The following DNM2 variants were observed in gnomAD, a reference collection of about 807,000 sequenced individuals.
The protein encoded by DNM2 is dynamin 2.
Under a neutral mutation model 99.0 loss-of-function variants are expected in DNM2, and 15 were observed. That is an observed-to-expected ratio of 0.15 (90% confidence interval 0.10 to 0.23). DNM2 has a LOEUF of 0.23. Among genes scored for constraint, DNM2 ranks in the 10% least tolerant of loss-of-function variants. The pLI, the probability that DNM2 is intolerant of heterozygous loss-of-function variation, is 1.00. For missense variants in DNM2, 742 were observed against 1,189.4 expected (o/e 0.62, Z 5.53); for synonymous variants, 525 against 481.2 (o/e 1.09, Z -1.19).
At chr19:10,797,222 A>G (rs2071966602) in intron 9 of DNM2, among the ~76,000 whole-genome samples, 158 bp from the exon 10 acceptor site, 1 of 151,700 alleles carries the variant, frequency 6.6e-6, no homozygotes, top group Non-Finnish European at 1.5e-5. Flanking sequence ...CTTTGATCCG[A>G]AGCAGCTTCC....
At chr19:10,797,568 A>G in intron 10 of DNM2, 50 bp downstream of exon 10, 1 of 1,609,946 alleles carries the variant, frequency 6.2e-7, no homozygotes, top group Non-Finnish European at 8.5e-7. Flanking sequence ...CTCCCCCTCC[A>G]TGTGTTAGTC....
chr19:10,792,670 C>T (rs1371743649), intron 7 of DNM2, among the ~76,000 whole-genome samples: 1 of 151,972 alleles, frequency 6.6e-6, no homozygotes, highest in Non-Finnish European at 1.5e-5. Flanking sequence ...TGCAGTGGTG[C>T]GATCTCGGCT....
chr19:10,807,539 C>CCTTT (rs2072386668), intron 13 of DNM2, among the ~76,000 whole-genome samples: 1 of 91,212 alleles, frequency 1.1e-5, no homozygotes. Flanking sequence ...CACGTCCAGC[C>CCTTT]TTTTTTTTTT....
intron 1 of DNM2, among the ~76,000 whole-genome samples, chr19:10,741,281 A>C (rs961055313): frequency 6.6e-6 from 1 of 151,984 alleles, no homozygotes; most frequent in Admixed American, 6.6e-5. Flanking sequence ...CCCAGGCTGG[A>C]AACGTGGTGG....
rs2073063170 is a variant in DNM2, at chr19:10,823,919, A to G, written c.1893+20A>G. On this transcript the variant is annotated intron_variant, in intron 17 of 20. Transcript: ENST00000389253. ...GACCAGGTGAGGAGCCGTCCTGCGC[A>G]GCCAGGCCCAGAGCCCCCACCTGGG... is the stretch of plus-strand genomic sequence containing the variant. 2 of 1,610,190 alleles carry G rather than the reference A, an allele frequency of 1.2e-6. No homozygotes were observed. The highest frequency in any genetic ancestry group is 1.7e-6 in the Non-Finnish European group (2 of 1,178,678).
At chr19:10,746,960 C>T (rs1385970360) in intron 1 of DNM2, among the ~76,000 whole-genome samples, 2 of 151,826 alleles carry the variant, frequency 1.3e-5, no homozygotes, top group East Asian at 3.9e-4. Flanking sequence ...TGGTCTCAAA[C>T]TCCTGACCTC....
At chr19:10,728,766 G>A (rs898044950) in intron 1 of DNM2, among the ~76,000 whole-genome samples, 1 of 152,066 alleles carries the variant, frequency 6.6e-6, no homozygotes, top group Non-Finnish European at 1.5e-5. Flanking sequence ...TGGCCAGCAT[G>A]GCGAGCCCCA....
At chr19:10,783,789 G>A (rs1440053587) in intron 6 of DNM2, among the ~76,000 whole-genome samples, 1 of 151,088 alleles carries the variant, frequency 6.6e-6, no homozygotes, top group African/African-American at 2.4e-5. Flanking sequence ...CAACCTCCAC[G>A]TCCCAGGTTC....
At chr19:10,769,571 T>C (rs1227491352) in intron 2 of DNM2, 1 of 152,190 alleles carries the variant, frequency 6.6e-6, no homozygotes, top group Non-Finnish European at 1.5e-5. Context: ...AGGGAGATGG[T>C]CTCTTTTGGG....
chr19:10,798,734 C>G (rs2072028914), intron 11 of DNM2, among the ~76,000 whole-genome samples, 162 bp downstream of exon 11: 1 of 152,010 alleles, frequency 6.6e-6, no homozygotes, highest in Non-Finnish European at 1.5e-5. Context: ...CCCTATCATG[C>G]TGACAGCTGC....
chr19:10,831,664 T>C lies in DNM2; in HGVS notation c.*617T>C, dbSNP rs985381014. 48 of 986,170 alleles carry C rather than the reference T, an allele frequency of 4.9e-5. No individual in the cohort carries two copies. The highest frequency in any genetic ancestry group is 5.8e-5 in the Non-Finnish European group (48 of 830,338). The allele number at this position is 986,170 out of a possible 1,614,324, so 61.1% of individuals were successfully genotyped here. A position where few individuals can be genotyped will look rare whatever the true frequency, so the allele number is the denominator to read the frequency against. ...CCGTTGGCCCGGGCCGGCCTTGCCC[T>C]ATTCCTCTCCTCCTCCTCCTCCTGG... On this transcript the variant is annotated 3_prime_UTR_variant, in exon 21 of 21. Transcript: ENST00000389253. This position sits in a 1 kb window ranked among gnomAD's most constrained non-coding sequence, Gnocchi z 4.3.
At chr19:10,793,980 G>A (rs904420506) in intron 8 of DNM2, 125 bp downstream of exon 8, 6 of 1,504,778 alleles carry the variant, frequency 4.0e-6, no homozygotes, top group Admixed American at 3.5e-5. Context: ...CTTGTGGTGG[G>A]CAGGGTGTGG....
In DNM2 at chr19:10,811,980, T is replaced by G; in HGVS notation, c.1558-284T>G. 2.1e-6 allele frequency: 1 copy of G among 477,546 alleles called. No individual in the cohort carries two copies. The highest frequency in any genetic ancestry group is 4.1e-6 in the Non-Finnish European group (1 of 241,286). The allele number at this position is 477,546 out of a possible 1,614,324, so 29.6% of individuals were successfully genotyped here. The stretch of plus-strand genomic sequence containing the variant: ...AGCCCCACACACAAGCCCCAGGGAC[T>G]CCTCCCATGGGCCCCTTTCCATCAG... On this transcript the variant is annotated intron_variant, in intron 14 of 20. Transcript: ENST00000389253. This position sits in a 1 kb window ranked among gnomAD's most constrained non-coding sequence, Gnocchi z 5.4.
chr19:10,789,897 G>A (rs1792362229), intron 7 of DNM2, among the ~76,000 whole-genome samples: 1 of 152,196 alleles, frequency 6.6e-6, no homozygotes, highest in Admixed American at 6.5e-5. Flanking sequence ...GCCTATGGCA[G>A]GACTGGGCCA....
intron 1 of DNM2, among the ~76,000 whole-genome samples, chr19:10,746,714 C>T (rs1339824349): frequency 3.6e-5 from 5 of 140,274 alleles, no homozygotes; most frequent in Admixed American, 7.7e-5. Flanking sequence ...GCAACCGTGC[C>T]GGCTTTTTTT....
chr19:10,800,495 A>G (rs1463510427), intron 11 of DNM2, among the ~76,000 whole-genome samples: 1 of 152,224 alleles, frequency 6.6e-6, no homozygotes, highest in African/African-American at 2.4e-5. Context: ...CCCACCTGCC[A>G]TGCTGCCAGG....
chr19:10,831,475 C>G lies in DNM2; in HGVS notation c.*428C>G. ...TTGCTGGGGTGCAGGGGTATATCAA[C>G]TTCCCATTAGCAGGAGCTCCCCAGC... On this transcript the variant is annotated 3_prime_UTR_variant, in exon 21 of 21. Coordinates refer to ENST00000389253, the MANE Select transcript of DNM2 (RefSeq NM_001005361.3). This position sits in a 1 kb window ranked among gnomAD's most constrained non-coding sequence, Gnocchi z 4.3. 1.0e-6 allele frequency: 1 copy of G among 992,484 alleles called. No homozygotes were observed. Among genetic ancestry groups the G allele is most frequent in the Non-Finnish European group, 1.2e-6 (1 of 834,544 alleles). 61.5% of individuals were successfully genotyped at this position (992,484 alleles called of 1,614,324 possible).
At position 10,786,617 on chromosome 19, in the gene DNM2, G is replaced by C; in HGVS notation, c.903G>C (p.Gln301His). ...TGCCGGCCCTACGTAGCAAACTACAGAGCCAGCTGCTGTCCCTGGAGAAGG... is the reference window on the plus strand; with the variant it reads ...TGCCGGCCCTACGTAGCAAACTACACAGCCAGCTGCTGTCCCTGGAGAAGG... ...ESLPALRSKL[Q>H]SQLLSLEKEV... Residue 301 changes from glutamine (Q) to histidine (H), a missense_variant, in exon 7 of 21, where the codon CAG becomes CAC. By Grantham distance (24) the Gln-to-His change is conservative. This residue lies in a region of DNM2 where 44 missense variants were observed against 41.3 expected (regional missense o/e 1.06). Coordinates refer to ENST00000389253, the MANE Select transcript of DNM2 (RefSeq NM_001005361.3). The C allele has an allele frequency of 1.2e-6, 2 of 1,614,158 alleles. No homozygotes were observed. Among genetic ancestry groups the C allele is most frequent in the South Asian group, 2.2e-5 (2 of 91,088 alleles).
rs2071122492 is a variant in DNM2 at position 10,775,457 on chromosome 19, A to G, written c.386-246A>G. ...GAAATTTATTCAGTCATTTAGGTCT[A>G]TTCCAGTCTGAACTGTCCTGATTTA... On this transcript the variant is annotated intron_variant, in intron 3 of 20. Transcript: ENST00000389253. This position sits in a 1 kb window ranked among gnomAD's most constrained non-coding sequence, Gnocchi z 4.3. Among the ~76,000 whole-genome samples the G allele has an allele frequency of 6.6e-6, 1 of 152,214 alleles. No homozygotes were observed. Among genetic ancestry groups the G allele is most frequent in the South Asian group, 2.1e-4 (1 of 4,832 alleles).
Sources: gnomAD v4.1 joint callset for allele counts (sites outside exome capture counted in the v4.1 genomes callset) on GRCh38, gnomAD v4.1.1 for gene constraint, gnomAD v4.1.1 regional missense constraint, Gnocchi (gnomAD v3.1) non-coding constraint, MANE v1.5 for transcripts, NCBI Gene and HGNC (gene_info 2026-07-23, HGNC 2026-07-21) for gene names.